Variants in LRP1B observed in about 807,000 individuals in gnomAD.
The protein encoded by LRP1B is low-density lipoprotein receptor-related protein 1B.
A neutral mutation model predicts 556.6 loss-of-function variants in LRP1B; 217 were observed. The ratio of observed to expected loss-of-function variants is 0.39; its 90% CI spans 0.35 to 0.44. The LOEUF (loss-of-function observed/expected upper bound fraction) is 0.44, where lower values mean the gene tolerates loss of function less well. Ranked by LOEUF, LRP1B falls within the 20% of genes least tolerant of loss-of-function variation. The pLI, the probability that LRP1B is intolerant of heterozygous loss-of-function variation, is 1.00. For synonymous variants in LRP1B, 2,047 were observed against 1,865.8 expected (o/e 1.10, Z -2.50); for missense variants, 5,053 against 5,620.8 (o/e 0.90, Z 3.23).
At chr2:140,657,438 T>C (rs1377875666) in intron 41 of LRP1B, among the ~76,000 whole-genome samples, 2 of 151,490 alleles carry the variant, frequency 1.3e-5, no homozygotes, top group Non-Finnish European at 2.9e-5. Flanking sequence ...TTTTAGATCA[T>C]ACATTGAATG....
intron 84 of LRP1B, among the ~76,000 whole-genome samples, chr2:140,289,581 T>C (rs867533314): frequency 1.3e-4 from 20 of 151,908 alleles, no homozygotes; most frequent in African/African-American, 3.1e-4. Context: ...ACGCCTAAAA[T>C]TATTTTCCTC....
At chr2:142,123,848 C>CA (rs1453510462) in intron 1 of LRP1B, among the ~76,000 whole-genome samples, 2 of 151,630 alleles carry the variant, frequency 1.3e-5, no homozygotes, top group Non-Finnish European at 3.0e-5. Flanking sequence ...TAAGATTAAA[C>CA]AAATGGATCT....
At chr2:141,365,580 C>T (rs928858612) in intron 3 of LRP1B, among the ~76,000 whole-genome samples, 1 of 148,680 alleles carries the variant, frequency 6.7e-6, no homozygotes, top group Non-Finnish European at 1.5e-5. Context: ...TTTATAGCTT[C>T]ATATGTAAAC....
chr2:141,552,987 T>C (rs1365745141), intron 2 of LRP1B, among the ~76,000 whole-genome samples: 2 of 151,752 alleles, frequency 1.3e-5, no homozygotes, highest in African/African-American at 4.8e-5. Flanking sequence ...AGAAACAATA[T>C]GGAGAGGTAG....
intron 75 of LRP1B, among the ~76,000 whole-genome samples, 198 bp from the exon 76 acceptor site, chr2:140,353,270 CAATT>C (rs2105122887): frequency 6.6e-6 from 1 of 152,174 alleles, no homozygotes; most frequent in South Asian, 2.1e-4. Flanking sequence ...GAAGATTTAT[CAATT>C]GTCATTGCTT....
intron 7 of LRP1B, among the ~76,000 whole-genome samples, chr2:141,098,328 C>T (rs1700371541): frequency 6.6e-6 from 1 of 152,120 alleles, no homozygotes; most frequent in African/African-American, 2.4e-5. Context: ...TTCAATTATA[C>T]CCTGCAATCA....
intron 2 of LRP1B, among the ~76,000 whole-genome samples, chr2:141,570,448 C>T (rs1225862975): frequency 6.6e-6 from 1 of 151,270 alleles, no homozygotes; most frequent in Non-Finnish European, 1.5e-5. Context: ...TCTACACCAC[C>T]AGGGCCTAGT....
At chr2:141,944,244 G>A (rs1700893944) in intron 1 of LRP1B, among the ~76,000 whole-genome samples, 1 of 152,154 alleles carries the variant, frequency 6.6e-6, no homozygotes, top group Non-Finnish European at 1.5e-5. Flanking sequence ...ACACACTAGA[G>A]CAGCTTTTAA....
In LRP1B at chr2:140,744,146, A is replaced by G. The variant is rs116628431; in HGVS notation, c.5758+25067T>C. Among the ~76,000 whole-genome samples the G allele has an allele frequency of 4.7e-3, 709 of 152,166 alleles. 8 individuals are homozygous for G. The highest frequency in any genetic ancestry group is 0.024 in the Middle Eastern group (7 of 294). Reference sequence around the variant, plus strand: ...AGCATGAATGGTGATAGATGTATTAATTAATTTGATAGTGGTTATCATTAT... The same window carrying G: ...AGCATGAATGGTGATAGATGTATTAGTTAATTTGATAGTGGTTATCATTAT... On this transcript the variant is annotated intron_variant, in intron 35 of 90. Coordinates refer to ENST00000389484, the MANE Select transcript of LRP1B (RefSeq NM_018557.3).
At chr2:142,122,821 A>G (rs551670312) in intron 1 of LRP1B, among the ~76,000 whole-genome samples, 86 of 152,228 alleles carry the variant, frequency 5.6e-4, no homozygotes, top group African/African-American at 2.0e-3. Flanking sequence ...GGAATATTTC[A>G]ATAAAGCACA....
rs746529150 is a variant in LRP1B, at chr2:140,356,421, A to G, written c.11451T>C (p.Tyr3817=). The part of the protein sequence containing the change: ...DNVNPCGDDA[Y]CNQIKTSVFC... ...AAACAGATGTTTTTATTTGATTACA[A>G]TATGCATCATCTCCACATGGATTCA... Residue 3817 remains tyrosine (Y), a synonymous_variant, in exon 75 of 91, where the codon TAT becomes TAC. Transcript: ENST00000389484. 12 of 1,608,640 alleles carry G rather than the reference A, an allele frequency of 7.5e-6. No homozygotes were observed. Among genetic ancestry groups the G allele is most frequent in the East Asian group, 2.2e-5 (1 of 44,658 alleles).
intron 18 of LRP1B, among the ~76,000 whole-genome samples, chr2:140,963,467 C>G (rs903026692): frequency 6.6e-6 from 1 of 151,394 alleles, no homozygotes; most frequent in African/African-American, 2.4e-5. Flanking sequence ...ATATTTTTAA[C>G]CAATGGAGAT....
At chr2:140,512,037 A>G in intron 51 of LRP1B, among the ~76,000 whole-genome samples, 1 of 151,904 alleles carries the variant, frequency 6.6e-6, no homozygotes, top group African/African-American at 2.4e-5. Flanking sequence ...TCTCTTAAGG[A>G]AGTTTTGATA....
chr2:140,491,341 G>A (rs1023682266), intron 57 of LRP1B, among the ~76,000 whole-genome samples: 5 of 151,916 alleles, frequency 3.3e-5, no homozygotes, highest in African/African-American at 9.7e-5. Flanking sequence ...TGGTCAGAAT[G>A]TTATGTACAT....
At chr2:140,985,034 C>T (rs1696877460) in intron 17 of LRP1B, among the ~76,000 whole-genome samples, 1 of 151,998 alleles carries the variant, frequency 6.6e-6, no homozygotes, top group African/African-American at 2.4e-5. Context: ...CAGAGCAGCC[C>T]CATAGGACTC....
chr2:141,375,144 T>C (rs1573873161), intron 3 of LRP1B, among the ~76,000 whole-genome samples: 1 of 152,146 alleles, frequency 6.6e-6, no homozygotes, highest in Admixed American at 6.5e-5. Flanking sequence ...GCAATACACA[T>C]AGGTCAGTAG....
At chr2:141,673,796 T>G (rs1415604173) in intron 2 of LRP1B, among the ~76,000 whole-genome samples, 1 of 152,122 alleles carries the variant, frequency 6.6e-6, no homozygotes, top group Non-Finnish European at 1.5e-5. Flanking sequence ...AAATCTATAT[T>G]ACATCATCTA....
At chr2:141,332,438 A>T (rs1325118256) in intron 3 of LRP1B, among the ~76,000 whole-genome samples, 1 of 134,994 alleles carries the variant, frequency 7.4e-6, no homozygotes. Context: ...TGCTTCTCCC[A>T]TATCTAACTG....
At chr2:141,654,930 G>A (rs1689945941) in intron 2 of LRP1B, among the ~76,000 whole-genome samples, 2 of 152,152 alleles carry the variant, frequency 1.3e-5, no homozygotes, top group African/African-American at 4.8e-5. Flanking sequence ...AGACAGTAAT[G>A]TTAGGGAGGT....
Sources: gnomAD v4.1 joint callset for allele counts (sites outside exome capture counted in the v4.1 genomes callset) on GRCh38, gnomAD v4.1.1 for gene constraint, MANE v1.5 for transcripts, NCBI Gene and HGNC (gene_info 2026-07-23, HGNC 2026-07-21) for gene names.